The following NCKAP5 variants were observed in gnomAD, a reference collection of about 807,000 sequenced individuals.
NCKAP5 encodes the protein NCK associated protein 5, also known as nck-associated protein 5.
Under a neutral mutation model 167.0 loss-of-function variants are expected in NCKAP5, and 92 were observed. That is an observed-to-expected ratio of 0.55 (90% CI 0.47 to 0.66). The LOEUF (loss-of-function observed/expected upper bound fraction) is 0.66. Among genes scored for constraint, NCKAP5 ranks in the 30% least tolerant of loss-of-function variants. NCKAP5 has a pLI of 0.00. For synonymous variants in NCKAP5, 891 were observed against 877.4 expected, an observed-to-expected ratio of 1.02 and a Z score of -0.27; for missense variants, 2,378 against 2,315.0, an observed-to-expected ratio of 1.03 and a Z score of -0.56.
chr2:132,745,822 A>C (rs1679590880), intron 16 of NCKAP5, among the ~76,000 whole-genome samples: 1 of 152,036 alleles, frequency 6.6e-6, no homozygotes. Flanking sequence ...GTAATTAAAC[A>C]ATACTATTTC....
chr2:133,100,762 G>GAA (rs938225362), intron 6 of NCKAP5, among the ~76,000 whole-genome samples: 3 of 147,268 alleles, frequency 2.0e-5, no homozygotes, highest in Admixed American at 2.0e-4. Flanking sequence ...CTGTGGCTTG[G>GAA]AAAAAAAAAA....
At chr2:132,957,172 C>T (rs1209906723) in intron 8 of NCKAP5, among the ~76,000 whole-genome samples, 1 of 152,112 alleles carries the variant, frequency 6.6e-6, no homozygotes, top group African/African-American at 2.4e-5. Flanking sequence ...GGGCAAAAAC[C>T]AACAGACAAT....
the NCKAP5 span, among the ~76,000 whole-genome samples, chr2:133,626,531 A>G: frequency 8.2e-6 from 1 of 121,472 alleles, no homozygotes; most frequent in Non-Finnish European, 1.5e-5. Flanking sequence ...AACAAATTGC[A>G]ATTTATTTAC....
intron 7 of NCKAP5, among the ~76,000 whole-genome samples, chr2:132,993,375 GA>G (rs1559029210): frequency 2.0e-5 from 3 of 152,114 alleles, no homozygotes; most frequent in Non-Finnish European, 4.4e-5. Context: ...AGGCAATCTG[GA>G]CCATACTCAG....
At chr2:132,715,877 T>C (rs1222008101) in intron 19 of NCKAP5, among the ~76,000 whole-genome samples, 1 of 152,228 alleles carries the variant, frequency 6.6e-6, no homozygotes, top group Admixed American at 6.5e-5. Flanking sequence ...TGTCATATTT[T>C]GGCACAAACA....
At chr2:133,440,883 G>A (rs183688469) in intron 3 of NCKAP5, among the ~76,000 whole-genome samples, 11 of 152,086 alleles carry the variant, frequency 7.2e-5, no homozygotes, top group Admixed American at 1.3e-4. Flanking sequence ...CCCTTTGAGC[G>A]CCTGACACAG....
intron 5 of NCKAP5, among the ~76,000 whole-genome samples, chr2:133,186,297 A>C (rs1443417426): frequency 6.6e-6 from 1 of 152,094 alleles, no homozygotes; most frequent in African/African-American, 2.4e-5. Context: ...GCATCTCAGG[A>C]ATAAAGCCTA....
At position 133,236,070 on chromosome 2, in the gene NCKAP5, C is replaced by CAAAAAAAAAAAAAAAAAA. The variant is rs527705526; in HGVS notation, c.144-22309_144-22292dup. 5.1e-4 allele frequency among the ~76,000 whole-genome samples: 8 copies of CAAAAAAAAAAAAAAAAAA among 15,656 alleles called. 3 individuals carry two copies. The highest frequency in any genetic ancestry group is 6.7e-4 in the Non-Finnish European group (4 of 6,006). 10.3% of individuals were successfully genotyped at this position (15,656 alleles called of 152,430 possible). ...GACAAATCAAGACCCTGTCTCAGACCAAAAAAAAAAAAAAAAAAAAAAAAA... is the reference window on the plus strand; with the variant it reads ...GACAAATCAAGACCCTGTCTCAGACCAAAAAAAAAAAAAAAAAAAAAAAAAAAAAAAAAAAAAAAAAAA... On this transcript the variant is annotated intron_variant, in intron 4 of 19. Transcript: ENST00000409261.
At chr2:132,761,912 G>A (rs554068470) in intron 16 of NCKAP5, among the ~76,000 whole-genome samples, 90 of 152,262 alleles carry the variant, frequency 5.9e-4, no homozygotes, top group African/African-American at 2.1e-3. Flanking sequence ...CTTTTTTTGA[G>A]TTTGTAACTC....
At chr2:132,686,386 T>C (rs1464207071) in intron 19 of NCKAP5, among the ~76,000 whole-genome samples, 1 of 152,208 alleles carries the variant, frequency 6.6e-6, no homozygotes, top group Non-Finnish European at 1.5e-5. Flanking sequence ...AAATCTCCTC[T>C]GAATTCTTTT....
chr2:132,874,889 G>C (rs1691144939), intron 9 of NCKAP5, among the ~76,000 whole-genome samples: 1 of 136,428 alleles, frequency 7.3e-6, no homozygotes, highest in Non-Finnish European at 1.6e-5. Flanking sequence ...GAAACACTGG[G>C]ATATGGTTTA....
At chr2:133,401,463 G>T (rs1011159273) in intron 3 of NCKAP5, among the ~76,000 whole-genome samples, 2 of 152,160 alleles carry the variant, frequency 1.3e-5, no homozygotes, top group African/African-American at 4.8e-5. Flanking sequence ...CAGAACTTGT[G>T]GTTGGCACTT....
chr2:133,037,119 A>C lies in NCKAP5; in HGVS notation c.342-42880T>G, dbSNP rs978689835. 3.3e-5 allele frequency among the ~76,000 whole-genome samples: 5 copies of C among 152,100 alleles called. 1 individual carries two copies. Among genetic ancestry groups the C allele is most frequent in the Admixed American group, 3.3e-4 (5 of 15,268 alleles). On this transcript the variant is annotated intron_variant, in intron 6 of 19. Coordinates refer to ENST00000409261, the MANE Select transcript of NCKAP5 (RefSeq NM_207363.3). ...AGAAGTGCAAGAGCTCTATAATAAA[A>C]ACTATAAAACACAATAAAAGTGATT... is the stretch of plus-strand genomic sequence containing the variant.
At chr2:132,900,702 A>G (rs1280208035) in intron 8 of NCKAP5, among the ~76,000 whole-genome samples, 2 of 152,058 alleles carry the variant, frequency 1.3e-5, no homozygotes, top group African/African-American at 2.4e-5. Flanking sequence ...GTAAATAATG[A>G]CTCTTACCCA....
chr2:133,034,556 A>T (rs1285081590), intron 6 of NCKAP5, among the ~76,000 whole-genome samples: 1 of 152,136 alleles, frequency 6.6e-6, no homozygotes, highest in Non-Finnish European at 1.5e-5. Flanking sequence ...TAATAACTAT[A>T]ACACATTTTC....
chr2:132,684,497 T>A (rs566197546), intron 19 of NCKAP5, among the ~76,000 whole-genome samples: 3 of 152,330 alleles, frequency 2.0e-5, no homozygotes, highest in Admixed American at 6.5e-5. Context: ...CCTTTTAAAA[T>A]TCAGTATCTT....
chr2:132,735,314 T>G (rs55786423), intron 16 of NCKAP5, among the ~76,000 whole-genome samples: 48,632 of 152,078 alleles, frequency 0.32, 8,559 homozygotes, highest in Non-Finnish European at 0.4. Flanking sequence ...TATCCATCAT[T>G]CATGACTTAG....
intron 2 of NCKAP5, among the ~76,000 whole-genome samples, chr2:133,548,088 C>A (rs1345811480): frequency 6.8e-6 from 1 of 147,084 alleles, no homozygotes; most frequent in Non-Finnish European, 1.5e-5. Context: ...AATGCAGAAG[C>A]CTCAGGAGCC....
intron 5 of NCKAP5, among the ~76,000 whole-genome samples, chr2:133,195,102 G>C (rs1410709368): frequency 6.6e-6 from 1 of 151,978 alleles, no homozygotes; most frequent in African/African-American, 2.4e-5. Context: ...CATCTCAGAA[G>C]CAGTAACCAA....
Sources: allele counts gnomAD v4.1 joint callset (sites outside exome capture counted in the v4.1 genomes callset), GRCh38; gene constraint gnomAD v4.1.1; transcripts MANE v1.5; gene names NCBI Gene and HGNC (gene_info 2026-07-23, HGNC 2026-07-21).